ABCC1: variants seen among roughly 807,000 people sequenced by gnomAD.
ABCC1 encodes multidrug resistance-associated protein 1.
Under a neutral mutation model 172.9 loss-of-function variants are expected in ABCC1, and 83 were observed. The ratio of observed to expected loss-of-function variants is 0.48; its 90% CI spans 0.40 to 0.58. The LOEUF (loss-of-function observed/expected upper bound fraction) is 0.58, where lower values mean the gene tolerates loss of function less well. Among genes scored for constraint, ABCC1 ranks in the 20% least tolerant of loss-of-function variants. The pLI is 0.00. For missense variants in ABCC1, 1,817 were observed against 2,002.7 expected, an observed-to-expected ratio of 0.91 and a Z score of 1.77; for synonymous variants, 937 against 825.2, an observed-to-expected ratio of 1.14 and a Z score of -2.32.
chr16:16,124,405 GT>G (rs2045340687), intron 24 of ABCC1, among the ~76,000 whole-genome samples: 5 of 149,302 alleles, frequency 3.3e-5, no homozygotes, highest in Admixed American at 6.7e-5. Flanking sequence ...GTGTGTGTGT[GT>G]GTGTATGTGT....
At chr16:16,006,879 G>T (rs1157648194) in intron 1 of ABCC1, among the ~76,000 whole-genome samples, 1 of 151,232 alleles carries the variant, frequency 6.6e-6, no homozygotes, top group Non-Finnish European at 1.5e-5. Flanking sequence ...GGCGGTGGCG[G>T]TGATGGTGGT....
chr16:16,060,437 C>A (rs930640192), intron 12 of ABCC1, among the ~76,000 whole-genome samples: 7 of 152,154 alleles, frequency 4.6e-5, no homozygotes, highest in Admixed American at 3.3e-4. Context: ...ACTTCCAGCT[C>A]CAATGCCCCT....
At chr16:16,036,870 C>T (rs902214397) in intron 7 of ABCC1, among the ~76,000 whole-genome samples, 4 of 152,150 alleles carry the variant, frequency 2.6e-5, no homozygotes, top group African/African-American at 9.7e-5. Flanking sequence ...CTTTGGGAGG[C>T]CAAGGCAGGC....
chr16:15,984,110 A>G (rs1597073455), intron 1 of ABCC1, among the ~76,000 whole-genome samples: 1 of 152,308 alleles, frequency 6.6e-6, no homozygotes, highest in African/African-American at 2.4e-5. Flanking sequence ...GAATAGCAAA[A>G]GATGAGCAGC....
At chr16:16,134,625 CTTTTTTTTTTTTTTTT>C (rs67073334) in intron 28 of ABCC1, 117 bp downstream of exon 28, 38 of 355,528 alleles carry the variant, frequency 1.1e-4, no homozygotes, top group Non-Finnish European at 1.6e-4. Context: ...CTTCATCGTT[CTTTTTTTTTTTTTTTT>C]TTTTTTTTTT....
At chr16:16,001,521 A>G (rs929326701) in intron 1 of ABCC1, among the ~76,000 whole-genome samples, 4 of 152,088 alleles carry the variant, frequency 2.6e-5, no homozygotes, top group Non-Finnish European at 4.4e-5. Flanking sequence ...TTAAAAGCCA[A>G]TAGGGAGCCA....
chr16:16,124,415 G>T (rs1306595246), intron 24 of ABCC1, among the ~76,000 whole-genome samples: 1 of 150,698 alleles, frequency 6.6e-6, no homozygotes, highest in African/African-American at 2.5e-5. Context: ...GTGTGTATGT[G>T]TGTGTGTGTG....
chr16:16,014,493 G>T lies in ABCC1; in HGVS notation c.354G>T (p.Leu118=), dbSNP rs1195705891. 1.2e-6 allele frequency: 2 copies of T among 1,613,722 alleles called. No homozygotes were observed. The highest frequency in any genetic ancestry group is 2.7e-5 in the African/African-American group (2 of 74,920). The change falls in exon 4 of 31, where the codon CTG becomes CTT. Residue 118 remains leucine, a splice_region_variant and synonymous_variant. Transcript: ENST00000399410. The part of the protein sequence containing the change: ...VSPTLLGITM[L]LATFLIQLER... ...CTGTCTTGTGCTTCTCTCCTCAGCTGCTTGCTACCTTTTTAATTCAGCTGG... is the reference window on the plus strand; with the variant it reads ...CTGTCTTGTGCTTCTCTCCTCAGCTTCTTGCTACCTTTTTAATTCAGCTGG...
chr16:16,007,455 C>G lies in ABCC1; in HGVS notation c.49-361C>G, dbSNP rs757368196. On this transcript the variant is annotated intron_variant, in intron 1 of 30. Transcript: ENST00000399410. ...GCCTAGGCTGGTCTCGAACTCCCAG[C>G]CTAAAGTGGTCTGCCCACTTGGCCT... Among the ~76,000 whole-genome samples the G allele has an allele frequency of 5.9e-4, 90 of 152,236 alleles. 1 individual carries two copies. Among genetic ancestry groups the G allele is most frequent in the African/African-American group, 1.7e-3 (69 of 41,546 alleles).
intron 19 of ABCC1, among the ~76,000 whole-genome samples, chr16:16,096,708 G>A (rs1242340402): frequency 2.6e-5 from 4 of 152,188 alleles, no homozygotes; most frequent in African/African-American, 9.7e-5. Flanking sequence ...TGCCCAAGCA[G>A]AGTTCCAGAA....
rs529251927 is a variant in ABCC1 at position 16,056,116 on chromosome 16, A to C, written c.1498A>C (p.Asn500His). 1 of 1,614,182 alleles carries C rather than the reference A, an allele frequency of 6.2e-7. No individual in the cohort carries two copies. Among genetic ancestry groups the C allele is most frequent in the South Asian group, 1.1e-5 (1 of 91,084 alleles). Residue 500 changes from asparagine to histidine, a missense_variant, in exon 12 of 31, where the codon AAT becomes CAT. By Grantham distance (68) the Asn-to-His change is moderately conservative (BLOSUM62 1). Around this residue, in one of 3 missense-constraint regions of ABCC1, gnomAD observed 1,412 missense variants for 1,600.3 expected, o/e 0.88. Coordinates refer to ENST00000399410, the MANE Select transcript of ABCC1 (RefSeq NM_004996.4). ...GGTGGCCCACATGAAGAGCAAAGAC[A>C]ATCGGATCAAGCTGATGAACGAAAT... ...YQVAHMKSKDNRIKLMNEILN... is the reference protein window; with the variant it reads ...YQVAHMKSKDHRIKLMNEILN...
At chr16:16,111,326 G>T in intron 21 of ABCC1, 49 bp from the exon 22 acceptor site, 1 of 1,553,650 alleles carries the variant, frequency 6.4e-7, no homozygotes. Context: ...CTGGGGCTGG[G>T]GCTGGGTGCG....
chr16:16,110,334 G>A (rs185294446), intron 21 of ABCC1, among the ~76,000 whole-genome samples: 131 of 151,216 alleles, frequency 8.7e-4, no homozygotes, highest in Non-Finnish European at 1.6e-3. Context: ...TCCACTTGCC[G>A]CAGCCCCTCA....
At chr16:15,983,637 C>T (rs966071392) in intron 1 of ABCC1, among the ~76,000 whole-genome samples, 2 of 149,788 alleles carry the variant, frequency 1.3e-5, no homozygotes, top group Non-Finnish European at 3.0e-5. Flanking sequence ...CTCACTGTAG[C>T]CTTGACTTCC....
At chr16:16,017,654 T>G (rs1289323450) in intron 5 of ABCC1, among the ~76,000 whole-genome samples, 1 of 152,124 alleles carries the variant, frequency 6.6e-6, no homozygotes, top group Non-Finnish European at 1.5e-5. Flanking sequence ...AGCGATCCTC[T>G]TGCCTTGGCC....
At chr16:16,129,050 G>A (rs2045562515) in intron 26 of ABCC1, among the ~76,000 whole-genome samples, 1 of 152,112 alleles carries the variant, frequency 6.6e-6, no homozygotes, top group East Asian at 1.9e-4. Context: ...GTTCCTGTTC[G>A]CCCCGTTCCT....
chr16:16,036,521 T>G lies in ABCC1; in HGVS notation c.727T>G (p.Ser243Ala). 6.2e-7 allele frequency: 1 copy of G among 1,614,132 alleles called. No individual in the cohort carries two copies. Among genetic ancestry groups the G allele is most frequent in the Admixed American group, 1.7e-5 (1 of 60,016 alleles). ...GCCCCTGGAGGGCAGTGACCTCTGG[T>G]CCTTAAACAAGGAGGACACGTCGGA... Reference protein sequence around the residue: ...RQPLEGSDLWSLNKEDTSEQV... With the variant: ...RQPLEGSDLWALNKEDTSEQV... Residue 243 changes from serine (S) to alanine (A), a missense_variant, in exon 7 of 31, where the codon TCC becomes GCC. This residue lies in a region of ABCC1 where 398 missense variants were observed against 384.2 expected (regional missense o/e 1.04). Coordinates refer to ENST00000399410, the MANE Select transcript of ABCC1 (RefSeq NM_004996.4).
chr16:16,127,821 T>C (rs1213969915), intron 26 of ABCC1, among the ~76,000 whole-genome samples: 1 of 151,970 alleles, frequency 6.6e-6, no homozygotes, highest in Non-Finnish European at 1.5e-5. Flanking sequence ...ATTGTAAGAA[T>C]GGCGTGAGTG....
chr16:16,120,145 G>A (rs1453475147), intron 23 of ABCC1, among the ~76,000 whole-genome samples: 1 of 152,100 alleles, frequency 6.6e-6, no homozygotes, highest in Non-Finnish European at 1.5e-5. Context: ...AAAGCCACCT[G>A]CTGCTATTGA....
Sources: gnomAD v4.1 joint callset for allele counts (sites outside exome capture counted in the v4.1 genomes callset) on GRCh38, gnomAD v4.1.1 for gene constraint, gnomAD v4.1.1 regional missense constraint, MANE v1.5 for transcripts, NCBI Gene and HGNC (gene_info 2026-07-23, HGNC 2026-07-21) for gene names.